The following PTPRG variants were observed in gnomAD, a reference collection of about 807,000 sequenced individuals.
PTPRG encodes the protein protein tyrosine phosphatase receptor type G, also known as receptor-type tyrosine-protein phosphatase gamma.
A neutral mutation model predicts 165.3 loss-of-function variants in PTPRG; 102 were observed. That is an observed-to-expected ratio of 0.62 (90% CI 0.53 to 0.73). PTPRG has a LOEUF of 0.73. PTPRG is among the 30% of genes least tolerant of loss of function. PTPRG has a pLI of 0.00. For synonymous variants in PTPRG, 675 were observed against 669.5 expected, an observed-to-expected ratio of 1.01 and a Z score of -0.13; for missense variants, 1,866 against 1,861.4, an observed-to-expected ratio of 1.00 and a Z score of -0.05.
chr3:61,745,010 C>T (rs560779259), intron 1 of PTPRG, among the ~76,000 whole-genome samples: 28 of 150,232 alleles, frequency 1.9e-4, no homozygotes, highest in South Asian at 1.7e-3. Flanking sequence ...ACACAGAAAC[C>T]ATCAGCTTTT....
chr3:62,248,188 A>C (rs974005574), intron 15 of PTPRG, among the ~76,000 whole-genome samples: 3 of 152,212 alleles, frequency 2.0e-5, no homozygotes, highest in Non-Finnish European at 4.4e-5. Flanking sequence ...TTGGCTTCCA[A>C]TCACTATAAA....
intron 2 of PTPRG, among the ~76,000 whole-genome samples, chr3:61,922,323 T>A (rs1326266195): frequency 6.6e-6 from 1 of 152,226 alleles, no homozygotes; most frequent in East Asian, 1.9e-4. Flanking sequence ...ATTTCATGAA[T>A]GTTTGTGCTA....
intron 4 of PTPRG, among the ~76,000 whole-genome samples, chr3:62,047,603 T>A (rs1700337877): frequency 6.6e-6 from 1 of 152,182 alleles, no homozygotes; most frequent in African/African-American, 2.4e-5. Context: ...AATGCCTTGC[T>A]CACTGTTACA....
chr3:62,071,217 G>A (rs2526431), intron 4 of PTPRG, among the ~76,000 whole-genome samples: 95,601 of 152,000 alleles, frequency 0.63, 30,635 homozygotes, highest in African/African-American at 0.75. Flanking sequence ...TACTTACTCC[G>A]TCATGATTTT....
intron 2 of PTPRG, among the ~76,000 whole-genome samples, chr3:61,968,712 C>G (rs2040325122): frequency 6.6e-6 from 1 of 152,212 alleles, no homozygotes; most frequent in South Asian, 2.1e-4. Context: ...CATTTAAGCC[C>G]TCTCAACTTT....
chr3:62,281,550 T>TTTC lies in PTPRG; in HGVS notation c.3766-12_3766-11insTCT. ...AGAACTGCAGAGGCTTTTTTTTTTT[T>TTTC]TGGATTCCAAAGGCAGAAGATGAGT... On this transcript the variant is annotated splice_polypyrimidine_tract_variant and intron_variant, in intron 26 of 29. Transcript: ENST00000474889. 6.8e-7 allele frequency: 1 copy of TTTC among 1,466,562 alleles called. No homozygotes were observed. Among genetic ancestry groups the TTTC allele is most frequent in the Non-Finnish European group, 9.2e-7 (1 of 1,092,610 alleles). 90.8% of individuals were successfully genotyped at this position (1,466,562 alleles called of 1,614,324 possible).
At chr3:61,631,383 G>A (rs1701771645) in intron 1 of PTPRG, among the ~76,000 whole-genome samples, 1 of 152,250 alleles carries the variant, frequency 6.6e-6, no homozygotes, top group South Asian at 2.1e-4. Flanking sequence ...TATTTTGAGA[G>A]AGAGAGACCA....
At chr3:61,795,282 A>G (rs919074407) in intron 2 of PTPRG, among the ~76,000 whole-genome samples, 2 of 152,144 alleles carry the variant, frequency 1.3e-5, no homozygotes, top group Non-Finnish European at 2.9e-5. Flanking sequence ...AGGGCTTAAG[A>G]GCACAGGCTG....
At chr3:61,790,745 A>AT (rs367605654) in intron 2 of PTPRG, among the ~76,000 whole-genome samples, 17,963 of 138,468 alleles carry the variant, frequency 0.13, 1,500 homozygotes, top group East Asian at 0.47. Flanking sequence ...GACTTCTGTG[A>AT]TTTTTTTTTT....
chr3:61,920,350 C>T (rs987954412), intron 2 of PTPRG, among the ~76,000 whole-genome samples: 25 of 152,154 alleles, frequency 1.6e-4, no homozygotes, highest in Non-Finnish European at 2.1e-4. Context: ...ACTGAGTGTT[C>T]GGATAGTTGT....
chr3:61,595,105 G>A (rs1208095602), intron 1 of PTPRG, among the ~76,000 whole-genome samples: 2 of 152,056 alleles, frequency 1.3e-5, no homozygotes, highest in South Asian at 2.1e-4. Context: ...GTTTCTGTCT[G>A]GACATGCTGC....
intron 2 of PTPRG, among the ~76,000 whole-genome samples, chr3:61,904,973 T>C (rs2038605255): frequency 6.6e-6 from 1 of 152,090 alleles, no homozygotes; most frequent in Non-Finnish European, 1.5e-5. Context: ...ATTTGGTTCC[T>C]GCTGTCTGTC....
At chr3:62,089,956 G>A (rs889835089) in intron 5 of PTPRG, among the ~76,000 whole-genome samples, 4 of 152,156 alleles carry the variant, frequency 2.6e-5, no homozygotes, top group Non-Finnish European at 4.4e-5. Flanking sequence ...GGGAGGAGTT[G>A]CTACCTCCAT....
At chr3:61,964,564 C>T (rs2040225130) in intron 2 of PTPRG, among the ~76,000 whole-genome samples, 2 of 152,108 alleles carry the variant, frequency 1.3e-5, no homozygotes, top group Admixed American at 1.3e-4. Flanking sequence ...GCTGAACTGC[C>T]CTTCACTAGA....
intron 2 of PTPRG, among the ~76,000 whole-genome samples, chr3:61,902,091 TG>T (rs1048860332): frequency 1.3e-5 from 2 of 152,220 alleles, no homozygotes; most frequent in Non-Finnish European, 2.9e-5. Context: ...ACTGAATTGT[TG>T]GTTATCACCC....
chr3:61,926,217 C>T (rs922868912), intron 2 of PTPRG, among the ~76,000 whole-genome samples: 2 of 152,062 alleles, frequency 1.3e-5, no homozygotes, highest in Non-Finnish European at 2.9e-5. Flanking sequence ...TGTGTCTCCC[C>T]CCAGATCTCA....
chr3:62,169,203 A>T (rs548612911), intron 8 of PTPRG, among the ~76,000 whole-genome samples: 1 of 152,072 alleles, frequency 6.6e-6, no homozygotes, highest in African/African-American at 2.4e-5. Flanking sequence ...AGGGTCTCCA[A>T]ATTTGAGGGT....
chr3:61,584,821 G>A (rs771137958), intron 1 of PTPRG, among the ~76,000 whole-genome samples: 2 of 152,174 alleles, frequency 1.3e-5, no homozygotes, highest in Non-Finnish European at 2.9e-5. Flanking sequence ...GCCTGCCCCA[G>A]ACCAATGGAA....
intron 1 of PTPRG, among the ~76,000 whole-genome samples, chr3:61,691,263 T>G (rs1301114548): frequency 2.0e-5 from 3 of 152,030 alleles, no homozygotes; most frequent in African/African-American, 7.2e-5. Context: ...AATAATTAGC[T>G]GGGTGTGGTG....
Sources: allele counts gnomAD v4.1 joint callset (sites outside exome capture counted in the v4.1 genomes callset), GRCh38; gene constraint gnomAD v4.1.1; transcripts MANE v1.5; gene names NCBI Gene and HGNC (gene_info 2026-07-23, HGNC 2026-07-21).